CCBE1: variants seen among roughly 807,000 people sequenced by gnomAD.
CCBE1 encodes collagen and calcium binding EGF domains 1, also known as collagen and calcium-binding EGF domain-containing protein 1.
In CCBE1, 37 loss-of-function variants were observed where a neutral mutation model predicts 50.0. The observed-to-expected ratio is 0.74, with a 90% CI of 0.57 to 0.97. The LOEUF (loss-of-function observed/expected upper bound fraction) is 0.97, where lower values mean the gene tolerates loss of function less well. Among genes scored for constraint, CCBE1 ranks in the 50% least tolerant of loss-of-function variants. The probability of loss-of-function intolerance (pLI) is 0.00; values close to 1 mark genes in which losing one functional copy is unlikely to be tolerated. For missense variants in CCBE1, 538 were observed against 523.8 expected, an observed-to-expected ratio of 1.03 and a Z score of -0.26; for synonymous variants, 234 against 203.7, an observed-to-expected ratio of 1.15 and a Z score of -1.27.
chr18:59,673,831 G>A (rs1280655762), intron 2 of CCBE1, among the ~76,000 whole-genome samples: 2 of 152,196 alleles, frequency 1.3e-5, no homozygotes, highest in African/African-American at 2.4e-5. Flanking sequence ...ATGTGCTGCT[G>A]GATTTGTTTT....
chr18:59,636,977 G>A (rs1412194467), intron 2 of CCBE1, among the ~76,000 whole-genome samples: 2 of 152,190 alleles, frequency 1.3e-5, no homozygotes, highest in African/African-American at 4.8e-5. Context: ...ATATTCTAAT[G>A]AGGTTTGTGT....
Position 59,467,719 on chromosome 18 carries a change from C to T in CCBE1, c.401-828G>A, listed in dbSNP as rs188310692. Among the ~76,000 whole-genome samples the T allele has an allele frequency of 5.3e-5, 8 of 152,288 alleles. No individual in the cohort carries two copies. The East Asian group carries it at 7.7e-4, about 15-fold the overall frequency. The stretch of plus-strand genomic sequence containing the variant: ...ACAGTGGGTAGCAGTGGGTGGGAGC[C>T]GTGGCATGCAGCCCCAGACTGTGCA... On this transcript the variant is annotated intron_variant, in intron 4 of 10. Coordinates refer to ENST00000439986, the MANE Select transcript of CCBE1 (RefSeq NM_133459.4).
chr18:59,548,764 T>TA (rs1368466324), intron 2 of CCBE1, among the ~76,000 whole-genome samples: 1 of 152,132 alleles, frequency 6.6e-6, no homozygotes, highest in East Asian at 1.9e-4. Flanking sequence ...ACCATACATG[T>TA]AGGCTATATG....
At chr18:59,598,141 G>A (rs572596658) in intron 2 of CCBE1, among the ~76,000 whole-genome samples, 2 of 152,284 alleles carry the variant, frequency 1.3e-5, no homozygotes, top group East Asian at 1.9e-4. Flanking sequence ...CAGCAGAGAC[G>A]ACAGAGAGCA....
chr18:59,668,373 C>T (rs752988781), intron 2 of CCBE1, among the ~76,000 whole-genome samples: 2 of 151,808 alleles, frequency 1.3e-5, no homozygotes, highest in Non-Finnish European at 2.9e-5. Flanking sequence ...GCTGAGATCA[C>T]ACCACTGCAC....
chr18:59,541,780 T>C (rs1487332092), intron 2 of CCBE1, among the ~76,000 whole-genome samples: 1 of 152,052 alleles, frequency 6.6e-6, no homozygotes, highest in African/African-American at 2.4e-5. Flanking sequence ...GGTGAGGGGA[T>C]GTGATGGAGA....
intron 7 of CCBE1, among the ~76,000 whole-genome samples, chr18:59,444,191 C>T (rs1018083555): frequency 7.9e-6 from 1 of 127,368 alleles, no homozygotes; most frequent in Non-Finnish European, 1.6e-5. Context: ...GTTGCTTCCA[C>T]CTCTTGGCTA....
intron 2 of CCBE1, among the ~76,000 whole-genome samples, chr18:59,607,921 T>C (rs959199646): frequency 3.3e-5 from 5 of 152,092 alleles, no homozygotes; most frequent in Non-Finnish European, 7.4e-5. Context: ...CCGTCTCTAC[T>C]AAAAATTAGC....
chr18:59,645,631 T>C (rs908727549), intron 2 of CCBE1, among the ~76,000 whole-genome samples: 57 of 152,296 alleles, frequency 3.7e-4, no homozygotes, highest in African/African-American at 1.4e-3. Context: ...CATCATGAAC[T>C]AGGACAAAAA....
chr18:59,606,023 C>A (rs2144571253), intron 2 of CCBE1, among the ~76,000 whole-genome samples: 1 of 152,298 alleles, frequency 6.6e-6, no homozygotes, highest in East Asian at 1.9e-4. Flanking sequence ...TCTCAAGCAA[C>A]CACGATGATC....
chr18:59,533,443 C>T (rs1010518980), intron 2 of CCBE1, among the ~76,000 whole-genome samples: 1 of 152,124 alleles, frequency 6.6e-6, no homozygotes, highest in Non-Finnish European at 1.5e-5. Context: ...AAAGAGAACA[C>T]TTTTTCTTGT....
chr18:59,674,962 G>C (rs2144717488), intron 2 of CCBE1, among the ~76,000 whole-genome samples: 1 of 152,242 alleles, frequency 6.6e-6, no homozygotes, highest in Non-Finnish European at 1.5e-5. Context: ...TCCAGATTTT[G>C]CTCAAAAGTC....
chr18:59,505,769 C>G (rs1010462338), intron 2 of CCBE1, among the ~76,000 whole-genome samples: 1 of 152,082 alleles, frequency 6.6e-6, no homozygotes, highest in African/African-American at 2.4e-5. Context: ...GCAGCTAAGC[C>G]CAAAGAGGGA....
intron 2 of CCBE1, among the ~76,000 whole-genome samples, chr18:59,532,380 A>C (rs954806371): frequency 1.3e-5 from 2 of 152,218 alleles, no homozygotes; most frequent in South Asian, 4.1e-4. Context: ...TCTAGAAGGC[A>C]GGACCTGTGT....
intron 2 of CCBE1, among the ~76,000 whole-genome samples, chr18:59,549,892 C>G (rs1234569088): frequency 6.6e-6 from 1 of 152,166 alleles, no homozygotes; most frequent in African/African-American, 2.4e-5. Flanking sequence ...CATTATCCTC[C>G]CCATCATGCA....
intron 2 of CCBE1, among the ~76,000 whole-genome samples, chr18:59,623,825 G>A (rs1280502109): frequency 6.6e-6 from 1 of 152,130 alleles, no homozygotes; most frequent in Non-Finnish European, 1.5e-5. Flanking sequence ...TGAATTCAAA[G>A]GAATGCCTGG....
chr18:59,526,673 A>G (rs1914835361), intron 2 of CCBE1, among the ~76,000 whole-genome samples: 3 of 152,060 alleles, frequency 2.0e-5, no homozygotes, highest in Admixed American at 2.0e-4. Flanking sequence ...TCTTAACATT[A>G]CTTTAGCTGC....
In CCBE1 at chr18:59,546,040, A is replaced by G. The variant is rs545723157; in HGVS notation, c.213-65802T>C. 2.2e-4 allele frequency among the ~76,000 whole-genome samples: 33 copies of G among 152,378 alleles called. No individual in the cohort carries two copies. The South Asian group carries it at 6.8e-3, about 32-fold the overall frequency. On this transcript the variant is annotated intron_variant, in intron 2 of 10. Coordinates refer to ENST00000439986, the MANE Select transcript of CCBE1 (RefSeq NM_133459.4). ...GTATATGTAGAAGTGGAATTGGCCCAGTCATGAACTTTTTCTCTTTTGAAA... is the reference window on the plus strand; with the variant it reads ...GTATATGTAGAAGTGGAATTGGCCCGGTCATGAACTTTTTCTCTTTTGAAA...
intron 2 of CCBE1, among the ~76,000 whole-genome samples, chr18:59,566,585 T>C (rs748198343): frequency 1.3e-5 from 2 of 152,220 alleles, no homozygotes; most frequent in Non-Finnish European, 2.9e-5. Context: ...AGGAAAGAAG[T>C]ACTCAACTGT....
Sources: allele counts gnomAD v4.1 joint callset (sites outside exome capture counted in the v4.1 genomes callset), GRCh38; gene constraint gnomAD v4.1.1; transcripts MANE v1.5; gene names NCBI Gene and HGNC (gene_info 2026-07-23, HGNC 2026-07-21).